The following UBR3 variants were observed in gnomAD, a reference collection of about 807,000 sequenced individuals.
The protein encoded by UBR3 is E3 ubiquitin-protein ligase UBR3.
A neutral mutation model predicts 243.2 loss-of-function variants in UBR3; 85 were observed. The ratio of observed to expected loss-of-function variants is 0.35; its 90% CI spans 0.29 to 0.42. UBR3 has a LOEUF of 0.42. Among genes scored for constraint, UBR3 ranks in the 10% least tolerant of loss-of-function variants. UBR3 has a pLI of 1.00. For synonymous variants in UBR3, 748 were observed against 799.8 expected (o/e 0.94, Z 1.09); for missense variants, 1,686 against 2,300.8 (o/e 0.73, Z 5.47).
At chr2:169,835,993 G>GTCCCCCTCTCTCTCTCTCTC (rs1194152380) in intron 1 of UBR3, among the ~76,000 whole-genome samples, 4 of 30,736 alleles carry the variant, frequency 1.3e-4, no homozygotes, top group African/African-American at 4.4e-4. Context: ...TGTGTGCACT[G>GTCCCCCTCTCTCTCTCTCTC]TCTCTCTCTC....
At chr2:169,859,749 T>G (rs1361695196) in intron 1 of UBR3, among the ~76,000 whole-genome samples, 1 of 151,904 alleles carries the variant, frequency 6.6e-6, no homozygotes, top group African/African-American at 2.4e-5. Flanking sequence ...GGAGTTTCAC[T>G]TTTACTGCCT....
At chr2:169,906,765 T>C (rs571625085) in intron 10 of UBR3, among the ~76,000 whole-genome samples, 2 of 152,266 alleles carry the variant, frequency 1.3e-5, no homozygotes, top group African/African-American at 4.8e-5. Context: ...GTTCTAGTTT[T>C]GACTCTGCTT....
At chr2:169,933,090 T>A in intron 19 of UBR3, 82 bp downstream of exon 19, 2 of 901,666 alleles carry the variant, frequency 2.2e-6, no homozygotes, top group Non-Finnish European at 1.7e-6. Flanking sequence ...AGATATGATA[T>A]GCTCTCATTA....
chr2:169,964,810 G>T (rs2087733784), intron 24 of UBR3: 3 of 454,530 alleles, frequency 6.6e-6, no homozygotes, highest in Non-Finnish European at 1.3e-5. Flanking sequence ...TTTTTGGAAG[G>T]TTTGACCTCT....
chr2:169,956,784 A>G (rs182844528), intron 23 of UBR3, among the ~76,000 whole-genome samples: 3 of 152,172 alleles, frequency 2.0e-5, no homozygotes, highest in Admixed American at 6.5e-5. Context: ...ACTGTATTTC[A>G]TTCTTCTGAA....
Position 170,057,118 on chromosome 2 carries a change from CTTTTTTTTTT to C in UBR3, c.4785+1542_4785+1551del, listed in dbSNP as rs34846378. Reference sequence around the variant, plus strand: ...TTTTTGTAATTATCTTTAGTTTTTTCTTTTTTTTTTTTTTTTTGAGACAGGGTCTCATTGT... The same window carrying C: ...TTTTTGTAATTATCTTTAGTTTTTTCTTTTTTTGAGACAGGGTCTCATTGT... On this transcript the variant is annotated intron_variant, in intron 33 of 38. Transcript: ENST00000272793. Among the ~76,000 whole-genome samples, 277 of 135,858 alleles carry C rather than the reference CTTTTTTTTTT, an allele frequency of 2.0e-3. 1 individual carries two copies. Among genetic ancestry groups the C allele is most frequent in the African/African-American group, 6.4e-3 (228 of 35,430 alleles). The allele number at this position is 135,858 out of a possible 152,430, so 89.1% of individuals were successfully genotyped here. A position where few individuals can be genotyped will look rare whatever the true frequency, so the allele number is the denominator to read the frequency against.
chr2:169,854,448 C>T (rs1358569822), intron 1 of UBR3, among the ~76,000 whole-genome samples: 1 of 152,094 alleles, frequency 6.6e-6, no homozygotes, highest in East Asian at 1.9e-4. Flanking sequence ...AACTTTAACA[C>T]TGGTAATTAG....
chr2:169,914,598 A>ATT (rs2105339163), intron 11 of UBR3, among the ~76,000 whole-genome samples: 1 of 152,354 alleles, frequency 6.6e-6, no homozygotes, highest in East Asian at 1.9e-4. Flanking sequence ...TAGTGTTAAT[A>ATT]ATGAGAAGAG....
chr2:170,061,268 A>G (rs1219778714), intron 34 of UBR3, 50 bp from the exon 35 acceptor site: 1 of 1,585,022 alleles, frequency 6.3e-7, no homozygotes. Flanking sequence ...TAATTTTTAA[A>G]AACTCTTTAT....
chr2:169,875,828 CCTTCAG>C lies in UBR3; in HGVS notation c.727_732del (p.Gln243_Leu244del). On this transcript the variant is annotated inframe_deletion, in exon 3 of 39. Coordinates refer to ENST00000272793, the MANE Select transcript of UBR3 (RefSeq NM_172070.4). The stretch of plus-strand genomic sequence containing the variant: ...CATCAGAAAAGGACCTTAACAAAGT[CCTTCAG>C]CTTTTGGAACCTCAAATTTCCTTTT... The C allele has an allele frequency of 6.5e-7, 1 of 1,547,908 alleles. No homozygotes were observed. Among genetic ancestry groups the C allele is most frequent in the East Asian group, 2.5e-5 (1 of 40,746 alleles).
At chr2:169,924,205 G>T (rs1373016784) in intron 13 of UBR3, 32 bp downstream of exon 13, 8 of 1,457,658 alleles carry the variant, frequency 5.5e-6, no homozygotes, top group Non-Finnish European at 7.4e-6. Context: ...AAGTTTTGAA[G>T]TGGATTCCTT....
chr2:169,836,043 C>CTATA (rs1236888848), intron 1 of UBR3, among the ~76,000 whole-genome samples: 2 of 8,052 alleles, frequency 2.5e-4, no homozygotes, highest in African/African-American at 8.5e-4. Flanking sequence ...CTCTCTCTCT[C>CTATA]TATATATATA....
chr2:169,968,871 A>G (rs758490693), intron 24 of UBR3, among the ~76,000 whole-genome samples: 1 of 152,090 alleles, frequency 6.6e-6, no homozygotes, highest in Non-Finnish European at 1.5e-5. Flanking sequence ...TCTTTTTGAT[A>G]ATAGCTATTT....
chr2:169,870,355 C>G (rs2083395719), intron 1 of UBR3, among the ~76,000 whole-genome samples: 2 of 152,088 alleles, frequency 1.3e-5, no homozygotes, highest in African/African-American at 4.8e-5. Flanking sequence ...TTTTGAACTC[C>G]TGGCCTCAAG....
intron 11 of UBR3, among the ~76,000 whole-genome samples, chr2:169,921,953 C>G (rs1450704214): frequency 1.3e-5 from 2 of 151,916 alleles, no homozygotes; most frequent in Non-Finnish European, 2.9e-5. Flanking sequence ...ATCGCGCCAC[C>G]GTACTCCAGT....
chr2:170,053,545 A>G (rs544106431), intron 32 of UBR3, among the ~76,000 whole-genome samples: 6 of 152,304 alleles, frequency 3.9e-5, no homozygotes, highest in Admixed American at 1.3e-4. Context: ...CATAACAGCT[A>G]TGAGTATGAC....
intron 5 of UBR3, among the ~76,000 whole-genome samples, chr2:169,884,411 C>T (rs929309155): frequency 6.6e-6 from 1 of 152,120 alleles, no homozygotes; most frequent in Admixed American, 6.6e-5. Flanking sequence ...GCCTCCCAAA[C>T]TGCTGGGTTT....
chr2:170,078,395 C>A (rs933280764), intron 36 of UBR3: 1 of 226,426 alleles, frequency 4.4e-6, no homozygotes, highest in Non-Finnish European at 8.7e-6. Flanking sequence ...AAGGCAAGAC[C>A]GAATTTTAGG....
At chr2:169,881,043 C>G (rs1271292056) in intron 5 of UBR3, among the ~76,000 whole-genome samples, 3 of 152,114 alleles carry the variant, frequency 2.0e-5, no homozygotes, top group Non-Finnish European at 2.9e-5. Context: ...TTGATGTTAA[C>G]AACTTTAAAA....
Sources: allele counts gnomAD v4.1 joint callset (sites outside exome capture counted in the v4.1 genomes callset), GRCh38; gene constraint gnomAD v4.1.1; transcripts MANE v1.5; gene names NCBI Gene and HGNC (gene_info 2026-07-23, HGNC 2026-07-21).